CCDC134: variants seen among roughly 807,000 people sequenced by gnomAD.
CCDC134 encodes coiled-coil domain containing 134.
Under a neutral mutation model 25.6 loss-of-function variants are expected in CCDC134, and 27 were observed. The ratio of observed to expected loss-of-function variants is 1.05; its 90% CI spans 0.78 to 1.45. The LOEUF (loss-of-function observed/expected upper bound fraction) is 1.45. Among genes scored for constraint, CCDC134 ranks in the 40% most tolerant of loss-of-function variants. CCDC134 has a pLI of 0.00. For synonymous variants in CCDC134, 110 were observed against 115.0 expected, an observed-to-expected ratio of 0.96 and a Z score of 0.28; for missense variants, 261 against 286.7, an observed-to-expected ratio of 0.91 and a Z score of 0.65.
chr22:41,818,348 C>T (rs186999189), intron 6 of CCDC134, among the ~76,000 whole-genome samples: 6 of 152,288 alleles, frequency 3.9e-5, no homozygotes, highest in African/African-American at 1.4e-4. Flanking sequence ...GCAAACTCCC[C>T]GGAGCAAAGT....
intron 1 of CCDC134, among the ~76,000 whole-genome samples, chr22:41,806,214 A>ATTTTTTTTTT (rs60425249): frequency 3.3e-5 from 4 of 121,008 alleles, no homozygotes; most frequent in Non-Finnish European, 4.9e-5. Context: ...TAGGCGACTA[A>ATTTTTTTTTT]TTTTTTTTTT....
intron 4 of CCDC134, among the ~76,000 whole-genome samples, chr22:41,810,495 T>C (rs1177782691): frequency 1.5e-5 from 2 of 136,136 alleles, no homozygotes; most frequent in African/African-American, 5.6e-5. Context: ...ATTTCTTTTT[T>C]TTTTTTTTTT....
chr22:41,816,884 C>CTCCA (rs2076625148), intron 6 of CCDC134, among the ~76,000 whole-genome samples: 1 of 152,142 alleles, frequency 6.6e-6, no homozygotes, highest in Non-Finnish European at 1.5e-5. Flanking sequence ...CACCACTGCA[C>CTCCA]TCCAGCCTGG....
At chr22:41,808,814 C>G (rs982847087) in intron 1 of CCDC134, 61 bp from the exon 2 acceptor site, 4 of 1,339,964 alleles carry the variant, frequency 3.0e-6, no homozygotes, top group Non-Finnish European at 4.3e-6. Context: ...CACCTGTGCA[C>G]TCTATTTTAT....
chr22:41,813,095 G>A (rs2076604801), intron 4 of CCDC134, among the ~76,000 whole-genome samples, 169 bp from the exon 5 acceptor site: 1 of 152,122 alleles, frequency 6.6e-6, no homozygotes, highest in Non-Finnish European at 1.5e-5. Context: ...GTGGATGTAA[G>A]GCCCTAGTTC....
intron 1 of CCDC134, among the ~76,000 whole-genome samples, chr22:41,806,902 C>T (rs2076570203): frequency 1.3e-5 from 2 of 152,066 alleles, no homozygotes; most frequent in South Asian, 2.1e-4. Context: ...CAAAAATTAG[C>T]TGTGTGTGGT....
At chr22:41,814,834 T>C (rs756165897) in intron 6 of CCDC134, among the ~76,000 whole-genome samples, 2 of 152,186 alleles carry the variant, frequency 1.3e-5, no homozygotes, top group Non-Finnish European at 2.9e-5. Flanking sequence ...ACTGTTGGCC[T>C]GGTTGTGTTG....
chr22:41,813,918 A>G (rs9611672), intron 6 of CCDC134, 96 bp downstream of exon 6: 224,251 of 1,139,024 alleles, frequency 0.2, 26,450 homozygotes, highest in Admixed American at 0.48. Flanking sequence ...GTGGCTTTGG[A>G]CTTGGAGCCA....
chr22:41,817,588 CG>C (rs1219399586), intron 6 of CCDC134, among the ~76,000 whole-genome samples: 1 of 151,882 alleles, frequency 6.6e-6, no homozygotes, highest in Non-Finnish European at 1.5e-5. Flanking sequence ...AAAAATTAGC[CG>C]GGCGAGGTGA....
rs1009080316 is a variant in CCDC134, at chr22:41,825,210, G to A, written c.565-488G>A. On this transcript the variant is annotated intron_variant, in intron 6 of 6. Transcript: ENST00000255784. This position sits in a 1 kb window ranked among gnomAD's most constrained non-coding sequence, Gnocchi z 4.4. ...AGACAATCTGGAGAGAGAGGAGGGA[G>A]GACAGCCAAGGGCCTGGGTTGCAGT... Among the ~76,000 whole-genome samples, 12 of 152,052 alleles carry A rather than the reference G, an allele frequency of 7.9e-5. No individual in the cohort carries two copies. The highest frequency in any genetic ancestry group is 1.6e-4 in the Non-Finnish European group (11 of 67,992).
rs531928294 is a variant in CCDC134 at position 41,813,357 on chromosome 22, A to G, written c.404A>G (p.Asn135Ser). The G allele has an allele frequency of 1.3e-5, 21 of 1,614,206 alleles. No homozygotes were observed. The highest frequency in any genetic ancestry group is 2.2e-5 in the South Asian group (2 of 91,090). The change falls in exon 5 of 7, where the codon AAC becomes AGC. Residue 135 changes from asparagine to serine, a missense_variant. Asn to Ser is a conservative substitution (Grantham distance 46). Coordinates refer to ENST00000255784, the MANE Select transcript of CCDC134 (RefSeq NM_024821.5). ...CACTATTACTTTGACCACAACTCCA[A>G]CTGGAACCTCCTCATCCGCTGGGGT... is the stretch of plus-strand genomic sequence containing the variant. ...IVHYYFDHNS[N>S]WNLLIRWGIS...
chr22:41,809,517 C>A (rs1397085022), intron 2 of CCDC134, among the ~76,000 whole-genome samples: 1 of 152,128 alleles, frequency 6.6e-6, no homozygotes, highest in Non-Finnish European at 1.5e-5. Context: ...AGGAAAGAAA[C>A]TCCTAGAGGA....
chr22:41,811,053 G>A (rs905320080), intron 4 of CCDC134, among the ~76,000 whole-genome samples: 1 of 152,146 alleles, frequency 6.6e-6, no homozygotes, highest in African/African-American at 2.4e-5. Flanking sequence ...GACCCACCCT[G>A]GCATATCTTT....
chr22:41,801,966 A>G (rs1246001727), intron 1 of CCDC134, among the ~76,000 whole-genome samples: 4 of 152,216 alleles, frequency 2.6e-5, no homozygotes, highest in African/African-American at 7.2e-5. Context: ...ACAAGGATGA[A>G]TAGCAAGAGT....
chr22:41,819,549 G>T (rs113606060), intron 6 of CCDC134, among the ~76,000 whole-genome samples: 1,783 of 152,268 alleles, frequency 0.012, 40 homozygotes, highest in African/African-American at 0.041. Flanking sequence ...GGGGAAGCAG[G>T]CTAGCCCTGT....
At position 41,828,484 on chromosome 22, in the gene CCDC134, A is replaced by T. The variant is rs1226159937; in HGVS notation, c.*2661A>T. On this transcript the variant is annotated 3_prime_UTR_variant, in exon 7 of 7. Transcript: ENST00000255784. The stretch of plus-strand genomic sequence containing the variant: ...CCTTCCTCCTGGGCTCTTTCCTCTA[A>T]TACCGTCATCCTCTCTCCAACCTGG... Among the ~76,000 whole-genome samples the T allele has an allele frequency of 6.6e-6, 1 of 151,992 alleles. No homozygotes were observed. The highest frequency in any genetic ancestry group is 1.5e-5 in the Non-Finnish European group (1 of 67,988).
At chr22:41,810,143 T>C in intron 3 of CCDC134, 64 bp from the exon 4 acceptor site, 3 of 1,596,482 alleles carry the variant, frequency 1.9e-6, no homozygotes, top group Non-Finnish European at 2.6e-6. Flanking sequence ...TTTAAATAAA[T>C]GGGGATGGGA....
chr22:41,802,182 A>T (rs2076546813), intron 1 of CCDC134, among the ~76,000 whole-genome samples: 1 of 144,540 alleles, frequency 6.9e-6, no homozygotes, highest in Non-Finnish European at 1.5e-5. Context: ...GTTTTTTCCC[A>T]TTGGAGAATC....
intron 6 of CCDC134, among the ~76,000 whole-genome samples, chr22:41,823,334 C>T (rs533632450): frequency 8.6e-5 from 13 of 151,138 alleles, no homozygotes; most frequent in African/African-American, 3.2e-4. Flanking sequence ...AGGTGATTCT[C>T]CTGTCTCAGC....
Sources: allele counts gnomAD v4.1 joint callset (sites outside exome capture counted in the v4.1 genomes callset), GRCh38; gene constraint gnomAD v4.1.1; non-coding constraint Gnocchi (gnomAD v3.1); transcripts MANE v1.5; gene names NCBI Gene and HGNC (gene_info 2026-07-23, HGNC 2026-07-21).